The following CTNNA2 variants were observed in gnomAD, a reference collection of about 807,000 sequenced individuals.
CTNNA2 encodes the protein catenin alpha-2.
In CTNNA2, 42 loss-of-function variants were observed where a neutral mutation model predicts 101.0. The observed-to-expected ratio is 0.42, with a 90% CI of 0.32 to 0.54. The LOEUF (loss-of-function observed/expected upper bound fraction) is 0.54. Ranked by LOEUF, CTNNA2 falls within the 20% of genes least tolerant of loss-of-function variation. The pLI is 0.14. For missense variants in CTNNA2, 871 were observed against 1,223.1 expected (o/e 0.71, Z 4.29); for synonymous variants, 450 against 456.4 (o/e 0.99, Z 0.18).
At chr2:79,242,066 T>C (rs1674634057) in intron 2 of CTNNA2, among the ~76,000 whole-genome samples, 1 of 152,038 alleles carries the variant, frequency 6.6e-6, no homozygotes, top group South Asian at 2.1e-4. Context: ...CCACCACTCC[T>C]GGCTAATTTT....
intron 7 of CTNNA2, among the ~76,000 whole-genome samples, chr2:80,314,623 AT>A: frequency 6.6e-6 from 1 of 152,270 alleles, no homozygotes; most frequent in African/African-American, 2.4e-5. Context: ...ATCACCAACA[AT>A]GGGGGAGGAT....
intron 7 of CTNNA2, among the ~76,000 whole-genome samples, chr2:79,970,699 C>T (rs564786396): frequency 4.6e-5 from 7 of 152,192 alleles, no homozygotes; most frequent in Admixed American, 4.6e-4. Flanking sequence ...TAATAGGTGG[C>T]AGGCCATACT....
intron 7 of CTNNA2, among the ~76,000 whole-genome samples, chr2:80,270,117 G>T (rs577776966): frequency 1.3e-5 from 2 of 152,146 alleles, no homozygotes; most frequent in Admixed American, 6.5e-5. Context: ...AATTCGTTCC[G>T]ATGAGAAAGA....
intron 7 of CTNNA2, among the ~76,000 whole-genome samples, chr2:79,965,064 C>G (rs1689936177): frequency 6.6e-6 from 1 of 152,172 alleles, no homozygotes; most frequent in African/African-American, 2.4e-5. Context: ...CATTTCGAAG[C>G]ACTGTTAATT....
chr2:79,884,524 A>G (rs1210092560), intron 6 of CTNNA2, among the ~76,000 whole-genome samples: 1 of 152,130 alleles, frequency 6.6e-6, no homozygotes, highest in Non-Finnish European at 1.5e-5. Context: ...GCACATTATT[A>G]TACTGACCAT....
At chr2:80,366,312 G>A (rs548660933) in intron 7 of CTNNA2, among the ~76,000 whole-genome samples, 14 of 152,282 alleles carry the variant, frequency 9.2e-5, no homozygotes, top group African/African-American at 2.9e-4. Context: ...AGTTGGAAAA[G>A]CAGGGTTAAT....
chr2:80,151,528 C>T (rs1348910681), intron 7 of CTNNA2, among the ~76,000 whole-genome samples: 3 of 152,210 alleles, frequency 2.0e-5, no homozygotes, highest in Non-Finnish European at 4.4e-5. Context: ...GCACCCCACA[C>T]ATTTCTTCCC....
At chr2:79,299,084 C>T (rs1676047123) in intron 2 of CTNNA2, among the ~76,000 whole-genome samples, 1 of 152,156 alleles carries the variant, frequency 6.6e-6, no homozygotes, top group South Asian at 2.1e-4. Context: ...ATGGGGTCCC[C>T]AAGCTTCAAC....
At chr2:79,831,862 G>A (rs1678954731) in intron 3 of CTNNA2, among the ~76,000 whole-genome samples, 2 of 150,662 alleles carry the variant, frequency 1.3e-5, no homozygotes, top group Admixed American at 6.6e-5. Flanking sequence ...CCTCTAAATC[G>A]TTACAAATAA....
At chr2:79,728,104 T>G (rs567272524) in intron 2 of CTNNA2, among the ~76,000 whole-genome samples, 73 of 152,252 alleles carry the variant, frequency 4.8e-4, no homozygotes, top group Middle Eastern at 3.4e-3. Context: ...GTAATGGGAT[T>G]GCTGGGTCAA....
Position 79,709,778 on chromosome 2 carries a change from G to C in CTNNA2, c.103-34609G>C, listed in dbSNP as rs146307179. On this transcript the variant is annotated intron_variant, in intron 2 of 18. Coordinates refer to ENST00000402739, the MANE Select transcript of CTNNA2 (RefSeq NM_001282597.3). ...ATAGGATGGGGTAGGGTGGGGTACA[G>C]AGCGAGACCAAAACAAGGAAGAGTA... Among the ~76,000 whole-genome samples, 674 of 152,208 alleles carry C rather than the reference G, an allele frequency of 4.4e-3. 7 individuals carry two copies. Among genetic ancestry groups the C allele is most frequent in the African/African-American group, 0.016 (644 of 41,530 alleles).
At chr2:80,438,762 T>C (rs1682287390) in intron 9 of CTNNA2, among the ~76,000 whole-genome samples, 1 of 152,208 alleles carries the variant, frequency 6.6e-6, no homozygotes, top group Non-Finnish European at 1.5e-5. Flanking sequence ...CTTTAGGTAG[T>C]GGATGCAGAG....
At chr2:79,435,599 A>G (rs1216059137) in intron 4 of CTNNA2, among the ~76,000 whole-genome samples, 1 of 152,192 alleles carries the variant, frequency 6.6e-6, no homozygotes, top group African/African-American at 2.4e-5. Flanking sequence ...TGAAAACTCA[A>G]TTGCAAAAGG....
At chr2:79,533,029 G>A (rs1259994827) in intron 1 of CTNNA2, among the ~76,000 whole-genome samples, 1 of 151,654 alleles carries the variant, frequency 6.6e-6, no homozygotes, top group Admixed American at 6.6e-5. Context: ...GGGCACCTTG[G>A]ACTCATTTTT....
At chr2:79,759,443 C>G (rs902065666) in intron 3 of CTNNA2, among the ~76,000 whole-genome samples, 1 of 152,100 alleles carries the variant, frequency 6.6e-6, no homozygotes, top group African/African-American at 2.4e-5. Flanking sequence ...TGAATGGTCA[C>G]TTTTTCTCCC....
In CTNNA2 at chr2:80,004,600, G is replaced by C. The variant is rs1693195044; in HGVS notation, c.1056+94803G>C. ...CTTTATGTTAGAGAGGAAGAGAAAA[G>C]AGGTTGGATAATCTGTTCAGAATAA... On this transcript the variant is annotated intron_variant, in intron 7 of 18. Transcript: ENST00000402739. Among the ~76,000 whole-genome samples, 3 of 152,302 alleles carry C rather than the reference G, an allele frequency of 2.0e-5. No individual in the cohort carries two copies. The South Asian group carries it at 6.2e-4, about 32-fold the overall frequency.
At chr2:80,053,027 G>C (rs760375315) in intron 7 of CTNNA2, among the ~76,000 whole-genome samples, 106 of 152,236 alleles carry the variant, frequency 7.0e-4, no homozygotes, top group Middle Eastern at 3.4e-3. Context: ...GGTGATGCAT[G>C]AGTAGTATTT....
chr2:79,289,293 G>A (rs1055767323), intron 2 of CTNNA2, among the ~76,000 whole-genome samples: 9 of 152,112 alleles, frequency 5.9e-5, no homozygotes, highest in Non-Finnish European at 1.2e-4. Flanking sequence ...GGGTTGTTTT[G>A]TTTTGTTTTG....
intron 1 of CTNNA2, among the ~76,000 whole-genome samples, chr2:79,530,881 T>TAGTG (rs1672695931): frequency 6.6e-6 from 1 of 152,040 alleles, no homozygotes; most frequent in African/African-American, 2.4e-5. Context: ...ACACTCAGGA[T>TAGTG]AGTGAGTTCA....
Sources: allele counts gnomAD v4.1 joint callset (sites outside exome capture counted in the v4.1 genomes callset), GRCh38; gene constraint gnomAD v4.1.1; transcripts MANE v1.5; gene names NCBI Gene and HGNC (gene_info 2026-07-23, HGNC 2026-07-21).